Variants in MAF observed in about 807,000 individuals in gnomAD.
MAF encodes the protein transcription factor Maf.
Under a neutral mutation model 22.0 loss-of-function variants are expected in MAF, and 10 were observed. That is an observed-to-expected ratio of 0.45 (90% CI 0.28 to 0.77). The LOEUF (loss-of-function observed/expected upper bound fraction) is 0.77, where lower values mean the gene tolerates loss of function less well. Among genes scored for constraint, MAF ranks in the 30% least tolerant of loss-of-function variants. MAF has a pLI of 0.12. For synonymous variants in MAF, 337 were observed against 255.8 expected (o/e 1.32, Z -3.03); for missense variants, 544 against 548.4 (o/e 0.99, Z 0.08).
At chr16:79,370,266 T>G in the MAF span, among the ~76,000 whole-genome samples, 2 of 152,190 alleles carry the variant, frequency 1.3e-5, no homozygotes, top group Non-Finnish European at 2.9e-5. Flanking sequence ...TTCTTTGGGT[T>G]GAGACTGGAG....
chr16:79,275,687 G>A, the MAF span, among the ~76,000 whole-genome samples: 1 of 152,108 alleles, frequency 6.6e-6, no homozygotes, highest in Non-Finnish European at 1.5e-5. Context: ...TTTTTATTTG[G>A]AAAATATGGT....
the MAF span, among the ~76,000 whole-genome samples, chr16:79,380,453 A>T: frequency 1.3e-5 from 2 of 152,230 alleles, no homozygotes; most frequent in Non-Finnish European, 2.9e-5. Flanking sequence ...ATACAGTGTG[A>T]GAGAGGTATT....
At chr16:79,224,036 A>C in the MAF span, among the ~76,000 whole-genome samples, 2 of 152,170 alleles carry the variant, frequency 1.3e-5, no homozygotes, top group Non-Finnish European at 2.9e-5. Flanking sequence ...CTGATACCAA[A>C]ACCTGGCAGA....
At chr16:79,556,732 T>C in the MAF span, among the ~76,000 whole-genome samples, 5 of 152,210 alleles carry the variant, frequency 3.3e-5, no homozygotes, top group East Asian at 5.8e-4. Context: ...AGATAATCTC[T>C]TGGGTAAGTT....
the MAF span, among the ~76,000 whole-genome samples, chr16:79,502,786 G>C: frequency 4.6e-4 from 64 of 139,382 alleles, 1 homozygote; most frequent in East Asian, 9.0e-3. Flanking sequence ...GGGTTTGCCT[G>C]TGGAGAGTGG....
the MAF span, among the ~76,000 whole-genome samples, chr16:79,357,572 A>T: frequency 6.6e-6 from 1 of 152,110 alleles, no homozygotes; most frequent in East Asian, 1.9e-4. Flanking sequence ...TGCATCCGGG[A>T]AAGTTTGCAG....
At chr16:79,209,562 C>T in the MAF span, among the ~76,000 whole-genome samples, 6 of 152,140 alleles carry the variant, frequency 3.9e-5, no homozygotes, top group Admixed American at 2.0e-4. Context: ...TCCCACCACT[C>T]GGGAGTTAAT....
the MAF span, among the ~76,000 whole-genome samples, chr16:79,253,723 T>C: frequency 2.6e-5 from 4 of 152,194 alleles, no homozygotes; most frequent in Non-Finnish European, 5.9e-5. Flanking sequence ...CTGCTATTTC[T>C]TGGGGGGACA....
chr16:79,519,479 G>GC, the MAF span, among the ~76,000 whole-genome samples: 2 of 152,138 alleles, frequency 1.3e-5, no homozygotes, highest in African/African-American at 4.8e-5. Context: ...GCTGCCAGGA[G>GC]CCCTTAGTTT....
At chr16:79,209,774 C>A in the MAF span, among the ~76,000 whole-genome samples, 1 of 152,190 alleles carries the variant, frequency 6.6e-6, no homozygotes, top group Non-Finnish European at 1.5e-5. Context: ...CTTCCCTTTT[C>A]CCCACATGGG....
At chr16:79,223,487 G>A in the MAF span, among the ~76,000 whole-genome samples, 2 of 152,146 alleles carry the variant, frequency 1.3e-5, no homozygotes, top group Non-Finnish European at 2.9e-5. Context: ...TCCAAAGTTA[G>A]CAAAAGACAA....
At chr16:79,562,523 A>G in the MAF span, among the ~76,000 whole-genome samples, 1 of 152,204 alleles carries the variant, frequency 6.6e-6, no homozygotes, top group Non-Finnish European at 1.5e-5. Flanking sequence ...TAACCAGACC[A>G]CAAAACATTT....
chr16:79,220,481 CTAAG>C, the MAF span, among the ~76,000 whole-genome samples: 2 of 151,908 alleles, frequency 1.3e-5, no homozygotes, highest in Non-Finnish European at 2.9e-5. Flanking sequence ...ATATTTCAAA[CTAAG>C]TAAATTATTT....
At chr16:79,476,149 A>G in the MAF span, among the ~76,000 whole-genome samples, 3 of 152,148 alleles carry the variant, frequency 2.0e-5, no homozygotes, top group Non-Finnish European at 2.9e-5. Context: ...AGCCTCCATG[A>G]GTTTTTAGCT....
chr16:79,227,041 T>G, the MAF span, among the ~76,000 whole-genome samples: 4 of 152,074 alleles, frequency 2.6e-5, no homozygotes, highest in Non-Finnish European at 5.9e-5. Context: ...TGGATTATTT[T>G]GGGTCACTTA....
chr16:79,557,175 T>TTTTGTTTTA, the MAF span, among the ~76,000 whole-genome samples: 69,598 of 150,794 alleles, frequency 0.46, 17,380 homozygotes, highest in Non-Finnish European at 0.56. Flanking sequence ...TAGTTTTTTT[T>TTTTGTTTTA]ATTCAATTCC....
the MAF span, among the ~76,000 whole-genome samples, chr16:79,547,310 C>G: frequency 2.0e-5 from 3 of 151,974 alleles, no homozygotes; most frequent in East Asian, 5.8e-4. Context: ...TACTCCTATA[C>G]ACATTCGCCT....
At chr16:79,447,809 G>T in the MAF span, among the ~76,000 whole-genome samples, 1 of 148,656 alleles carries the variant, frequency 6.7e-6, no homozygotes, top group East Asian at 2.0e-4. Context: ...CAGGAGAATC[G>T]CTTGAGCCCA....
At chr16:79,429,809 C>T in the MAF span, among the ~76,000 whole-genome samples, 2 of 152,200 alleles carry the variant, frequency 1.3e-5, no homozygotes, top group Admixed American at 1.3e-4. Context: ...CTGCACTTGC[C>T]TGGTGCTGTG....
Sources: allele counts gnomAD v4.1 joint callset (sites outside exome capture counted in the v4.1 genomes callset), GRCh38; gene constraint gnomAD v4.1.1; transcripts MANE v1.5; gene names NCBI Gene and HGNC (gene_info 2026-07-23, HGNC 2026-07-21).